The following NR6A1 variants were observed in gnomAD, a reference collection of about 807,000 sequenced individuals.
The protein encoded by NR6A1 is nuclear receptor subfamily 6 group A member 1.
A neutral mutation model predicts 59.1 loss-of-function variants in NR6A1; 7 were observed. The ratio of observed to expected loss-of-function variants is 0.12; its 90% CI spans 0.07 to 0.22. The LOEUF (loss-of-function observed/expected upper bound fraction) is 0.22, where lower values mean the gene tolerates loss of function less well. Ranked by LOEUF, NR6A1 falls within the 10% of genes least tolerant of loss-of-function variation. The pLI is 1.00. For synonymous variants in NR6A1, 243 were observed against 236.1 expected (o/e 1.03, Z -0.27); for missense variants, 468 against 611.6 (o/e 0.77, Z 2.48).
chr9:124,754,003 A>T (rs1480085271), intron 1 of NR6A1, among the ~76,000 whole-genome samples: 1 of 152,204 alleles, frequency 6.6e-6, no homozygotes, highest in Non-Finnish European at 1.5e-5. Context: ...CCATTTTATA[A>T]CAAGTCCAAG....
rs1298354296 is a variant in NR6A1, at chr9:124,540,201, T to A, written c.442-14A>T. Reference sequence around the variant, plus strand: ...TTCTTCCGATATCTTTGACAAGGAATTGAGACATGTTAGATGGGTGCTCAG... The same window carrying A: ...TTCTTCCGATATCTTTGACAAGGAAATGAGACATGTTAGATGGGTGCTCAG... On this transcript the variant is annotated splice_polypyrimidine_tract_variant and intron_variant, in intron 4 of 9. Coordinates refer to ENST00000487099, the MANE Select transcript of NR6A1 (RefSeq NM_033334.4). The A allele has an allele frequency of 6.2e-7, 1 of 1,611,050 alleles. No homozygotes were observed. The highest frequency in any genetic ancestry group is 8.5e-7 in the Non-Finnish European group (1 of 1,178,704).
At position 124,633,365 on chromosome 9, in the gene NR6A1, T is replaced by C. The variant is rs372836348; in HGVS notation, c.143-78795A>G. 7.8e-4 allele frequency among the ~76,000 whole-genome samples: 104 copies of C among 134,062 alleles called. 1 individual carries two copies. In the East Asian group the frequency reaches 0.018, roughly 23 times the overall value. The allele number at this position is 134,062 out of a possible 152,430, so 87.9% of individuals were successfully genotyped here. A position where few individuals can be genotyped will look rare whatever the true frequency, so the allele number is the denominator to read the frequency against. On this transcript the variant is annotated intron_variant, in intron 2 of 9. Coordinates refer to ENST00000487099, the MANE Select transcript of NR6A1 (RefSeq NM_033334.4). ...TTGCAGTGAGTCGAGATCGCGCCAC[T>C]GCACTCCAGCCTGGGCGACAGAGCG...
intron 2 of NR6A1, among the ~76,000 whole-genome samples, chr9:124,655,243 T>C (rs1837224990): frequency 6.6e-6 from 1 of 152,166 alleles, no homozygotes; most frequent in Admixed American, 6.5e-5. Context: ...CAACTGACTA[T>C]GAAGTCTGCC....
intron 2 of NR6A1, among the ~76,000 whole-genome samples, chr9:124,664,398 T>C (rs1350417814): frequency 2.0e-5 from 3 of 152,190 alleles, no homozygotes; most frequent in African/African-American, 2.4e-5. Flanking sequence ...TAGATGACTT[T>C]TAACAAGTTG....
intron 2 of NR6A1, among the ~76,000 whole-genome samples, chr9:124,609,797 T>G (rs1172796921): frequency 6.6e-6 from 1 of 152,218 alleles, no homozygotes. Flanking sequence ...AGCAGTGGTT[T>G]GTAGCTCTCC....
chr9:124,614,044 C>T (rs1034806989), intron 2 of NR6A1, among the ~76,000 whole-genome samples: 3 of 152,064 alleles, frequency 2.0e-5, no homozygotes, highest in African/African-American at 7.2e-5. Flanking sequence ...CTACAAATAC[C>T]CACCGAAGCC....
intron 2 of NR6A1, among the ~76,000 whole-genome samples, chr9:124,630,675 T>C (rs1836409147): frequency 7.5e-6 from 1 of 132,520 alleles, no homozygotes; most frequent in African/African-American, 3.1e-5. Context: ...CATTTCTTTT[T>C]TTTTTTTTTT....
intron 1 of NR6A1, among the ~76,000 whole-genome samples, chr9:124,744,239 A>C (rs543148263): frequency 6.6e-6 from 1 of 151,644 alleles, no homozygotes; most frequent in East Asian, 1.9e-4. Flanking sequence ...TGTCTCAAAC[A>C]AAAAAAGAAA....
rs952127591 is a variant in NR6A1, at chr9:124,536,656, C to G, written c.825-524G>C. Among the ~76,000 whole-genome samples, 21 of 149,068 alleles carry G rather than the reference C, an allele frequency of 1.4e-4. No homozygotes were observed. The South Asian group carries it at 3.8e-3, about 27-fold the overall frequency. On this transcript the variant is annotated intron_variant, in intron 6 of 9. Coordinates refer to ENST00000487099, the MANE Select transcript of NR6A1 (RefSeq NM_033334.4). ...CTTCAGCCTGGGTGACAGAGCAAGACTCTGTCTAAAAAAAAAAAAAAAAGA... is the reference window on the plus strand; with the variant it reads ...CTTCAGCCTGGGTGACAGAGCAAGAGTCTGTCTAAAAAAAAAAAAAAAAGA...
chr9:124,596,534 T>A (rs1054540420), intron 2 of NR6A1, among the ~76,000 whole-genome samples: 1 of 152,144 alleles, frequency 6.6e-6, no homozygotes, highest in Non-Finnish European at 1.5e-5. Context: ...GGAAACTAGG[T>A]CTGCAAAATC....
At chr9:124,744,578 G>A (rs1202142359) in intron 1 of NR6A1, among the ~76,000 whole-genome samples, 2 of 152,208 alleles carry the variant, frequency 1.3e-5, no homozygotes, top group African/African-American at 4.8e-5. Context: ...ATCTCAAAGA[G>A]CAACCCTGAT....
At chr9:124,700,182 C>T (rs1483959899) in intron 2 of NR6A1, among the ~76,000 whole-genome samples, 1 of 150,970 alleles carries the variant, frequency 6.6e-6, no homozygotes, top group African/African-American at 2.4e-5. Context: ...AATCATATAA[C>T]ATGTACTCGC....
At chr9:124,574,189 G>A (rs1440108604) in intron 2 of NR6A1, among the ~76,000 whole-genome samples, 5 of 152,164 alleles carry the variant, frequency 3.3e-5, no homozygotes, top group Admixed American at 3.3e-4. Context: ...CAAAGTAGGT[G>A]CTCAGAAATA....
At chr9:124,662,400 T>C (rs1837466827) in intron 2 of NR6A1, among the ~76,000 whole-genome samples, 1 of 152,150 alleles carries the variant, frequency 6.6e-6, no homozygotes, top group Non-Finnish European at 1.5e-5. Context: ...GCAAATTAAT[T>C]TACCCCTCTG....
rs771988227 is a variant in NR6A1, at chr9:124,522,803, AG to A, written c.1355-11del. 1.3e-6 allele frequency: 2 copies of A among 1,571,044 alleles called. No individual in the cohort carries two copies. The highest frequency in any genetic ancestry group is 8.6e-7 in the Non-Finnish European group (1 of 1,157,944). Reference sequence around the variant, plus strand: ...ACATTCACCATCTTTCCTGGGAACAAGGGGGGAGAAGAAGAGTTAGCAGTGG... The same window carrying A: ...ACATTCACCATCTTTCCTGGGAACAAGGGGGAGAAGAAGAGTTAGCAGTGG... On this transcript the variant is annotated splice_polypyrimidine_tract_variant and intron_variant, in intron 9 of 9. Coordinates refer to ENST00000487099, the MANE Select transcript of NR6A1 (RefSeq NM_033334.4).
At chr9:124,682,895 CAT>C (rs1403438764) in intron 2 of NR6A1, among the ~76,000 whole-genome samples, 1 of 152,138 alleles carries the variant, frequency 6.6e-6, no homozygotes, top group Non-Finnish European at 1.5e-5. Flanking sequence ...ATTGAAGTAA[CAT>C]ATAGCACAGT....
chr9:124,619,073 A>G (rs1489046453), intron 2 of NR6A1, among the ~76,000 whole-genome samples: 1 of 152,228 alleles, frequency 6.6e-6, no homozygotes, highest in African/African-American at 2.4e-5. Context: ...AGCCCTATTC[A>G]TAATAGAGAA....
At chr9:124,597,467 T>C (rs1181374523) in intron 2 of NR6A1, among the ~76,000 whole-genome samples, 1 of 152,144 alleles carries the variant, frequency 6.6e-6, no homozygotes, top group Non-Finnish European at 1.5e-5. Context: ...CTTAAGGATA[T>C]GGATTTATTA....
intron 2 of NR6A1, among the ~76,000 whole-genome samples, chr9:124,683,365 T>C (rs985937979): frequency 6.6e-6 from 1 of 152,254 alleles, no homozygotes; most frequent in Non-Finnish European, 1.5e-5. Context: ...GATGATAATT[T>C]AGAAACCCCT....
Sources: allele counts gnomAD v4.1 joint callset (sites outside exome capture counted in the v4.1 genomes callset), GRCh38; gene constraint gnomAD v4.1.1; transcripts MANE v1.5; gene names NCBI Gene and HGNC (gene_info 2026-07-23, HGNC 2026-07-21).